Variants in LRRC4C observed in about 807,000 individuals in gnomAD.
The protein encoded by LRRC4C is leucine rich repeat containing 4C.
Under a neutral mutation model 33.6 loss-of-function variants are expected in LRRC4C, and 5 were observed. The ratio of observed to expected loss-of-function variants is 0.15; its 90% CI spans 0.08 to 0.31. The LOEUF (loss-of-function observed/expected upper bound fraction) is 0.31, where lower values mean the gene tolerates loss of function less well. Ranked by LOEUF, LRRC4C falls within the 10% of genes least tolerant of loss-of-function variation. The pLI, the probability that LRRC4C is intolerant of heterozygous loss-of-function variation, is 1.00. For missense variants in LRRC4C, 560 were observed against 796.7 expected, an observed-to-expected ratio of 0.70 and a Z score of 3.58; for synonymous variants, 329 against 302.0, an observed-to-expected ratio of 1.09 and a Z score of -0.93.
chr11:41,203,918 A>G (rs1240002358), intron 1 of LRRC4C, among the ~76,000 whole-genome samples: 1 of 152,234 alleles, frequency 6.6e-6, no homozygotes. Flanking sequence ...GGTGATGTTT[A>G]TGAAAAGTAG....
chr11:40,662,587 G>A (rs1037213567), intron 2 of LRRC4C, among the ~76,000 whole-genome samples: 8 of 152,162 alleles, frequency 5.3e-5, no homozygotes, highest in Non-Finnish European at 1.0e-4. Flanking sequence ...AAAAGAAACT[G>A]GCCAGGGAAA....
chr11:40,449,405 G>T (rs1222762269), intron 3 of LRRC4C, among the ~76,000 whole-genome samples: 1 of 151,318 alleles, frequency 6.6e-6, no homozygotes, highest in African/African-American at 2.4e-5. Context: ...GGATACCTAG[G>T]AGAAGGCATG....
chr11:40,841,774 AT>A (rs1952925986), intron 2 of LRRC4C, among the ~76,000 whole-genome samples: 1 of 152,136 alleles, frequency 6.6e-6, no homozygotes, highest in African/African-American at 2.4e-5. Context: ...GAGAAAACGC[AT>A]TTTTCTTTTT....
chr11:40,495,327 G>A (rs544214737), intron 3 of LRRC4C, among the ~76,000 whole-genome samples: 1 of 151,978 alleles, frequency 6.6e-6, no homozygotes, highest in Non-Finnish European at 1.5e-5. Context: ...AAATTTGTTT[G>A]TTTCACCATG....
intron 3 of LRRC4C, among the ~76,000 whole-genome samples, chr11:40,474,941 G>A (rs1953132876): frequency 1.3e-5 from 2 of 152,178 alleles, no homozygotes; most frequent in South Asian, 2.1e-4. Flanking sequence ...TCATTAAAAT[G>A]TCAGGAAACA....
intron 3 of LRRC4C, among the ~76,000 whole-genome samples, chr11:40,444,352 A>C (rs1001363948): frequency 3.6e-4 from 53 of 147,280 alleles, no homozygotes; most frequent in African/African-American, 1.1e-3. Flanking sequence ...TTTATTTTTT[A>C]TTTTTCTTTT....
intron 3 of LRRC4C, among the ~76,000 whole-genome samples, chr11:40,338,093 G>A (rs537864017): frequency 4.6e-5 from 7 of 152,054 alleles, no homozygotes; most frequent in East Asian, 1.9e-4. Flanking sequence ...TTCTGTGATC[G>A]ATACTTTCTA....
chr11:40,347,222 A>G (rs1051870128), intron 3 of LRRC4C, among the ~76,000 whole-genome samples: 1 of 152,202 alleles, frequency 6.6e-6, no homozygotes, highest in Non-Finnish European at 1.5e-5. Context: ...AGCACTTGCT[A>G]CTTCACCTTA....
chr11:41,376,146 A>T (rs1180154405), intron 1 of LRRC4C, among the ~76,000 whole-genome samples: 1 of 152,112 alleles, frequency 6.6e-6, no homozygotes, highest in Non-Finnish European at 1.5e-5. Flanking sequence ...AAGAAAAAAA[A>T]AATAAACTCT....
intron 1 of LRRC4C, among the ~76,000 whole-genome samples, chr11:41,454,083 A>T (rs537062312): frequency 1.3e-5 from 2 of 152,086 alleles, no homozygotes; most frequent in Non-Finnish European, 2.9e-5. Flanking sequence ...CACAACCTGA[A>T]GGACAAAACC....
chr11:41,370,461 C>A (rs766969661), intron 1 of LRRC4C, among the ~76,000 whole-genome samples: 1 of 151,998 alleles, frequency 6.6e-6, no homozygotes, highest in Non-Finnish European at 1.5e-5. Flanking sequence ...GGGGGCGGCT[C>A]CCCCCATACT....
At chr11:40,388,227 A>T (rs140897626) in intron 3 of LRRC4C, among the ~76,000 whole-genome samples, 1,662 of 152,256 alleles carry the variant, frequency 0.011, 13 homozygotes, top group Middle Eastern at 0.054. Flanking sequence ...AAGATGAATT[A>T]TCAGGTTACT....
intron 1 of LRRC4C, among the ~76,000 whole-genome samples, chr11:41,052,482 T>G (rs1858306419): frequency 6.6e-6 from 1 of 151,750 alleles, no homozygotes; most frequent in Admixed American, 6.6e-5. Flanking sequence ...TATGTTCCCG[T>G]CCATCTGCTT....
chr11:41,366,034 T>C (rs1165364952), intron 1 of LRRC4C, among the ~76,000 whole-genome samples: 1 of 152,180 alleles, frequency 6.6e-6, no homozygotes, highest in African/African-American at 2.4e-5. Context: ...ATGGCTTGCA[T>C]AAAATAAGCA....
chr11:40,151,021 T>C (rs1183028348), intron 5 of LRRC4C, among the ~76,000 whole-genome samples: 3 of 152,174 alleles, frequency 2.0e-5, no homozygotes, highest in Non-Finnish European at 4.4e-5. Flanking sequence ...CCATGCTCCA[T>C]ATGCCTGCAA....
intron 1 of LRRC4C, among the ~76,000 whole-genome samples, chr11:40,987,645 ATATATATC>A (rs1306769049): frequency 1.8e-5 from 1 of 54,068 alleles, no homozygotes; most frequent in Non-Finnish European, 3.8e-5. Flanking sequence ...ATATATATAT[ATATATATC>A]TCATATATAT....
intron 1 of LRRC4C, among the ~76,000 whole-genome samples, chr11:41,182,712 C>G (rs967165736): frequency 6.6e-6 from 1 of 152,172 alleles, no homozygotes; most frequent in Admixed American, 6.5e-5. Flanking sequence ...ATGTACAATG[C>G]TGATAGAACT....
chr11:40,402,949 T>G (rs1463331574), intron 3 of LRRC4C, among the ~76,000 whole-genome samples: 6 of 152,134 alleles, frequency 3.9e-5, no homozygotes, highest in Non-Finnish European at 8.8e-5. Flanking sequence ...ATGTTGTTCA[T>G]GCAAACTTCT....
At chr11:40,259,231 G>A in intron 4 of LRRC4C, among the ~76,000 whole-genome samples, 1 of 151,690 alleles carries the variant, frequency 6.6e-6, no homozygotes, top group Admixed American at 6.6e-5. Flanking sequence ...GTCTGTTCAT[G>A]TCCTTCGCCC....
Sources: allele counts gnomAD v4.1 joint callset (sites outside exome capture counted in the v4.1 genomes callset), GRCh38; gene constraint gnomAD v4.1.1; transcripts MANE v1.5; gene names NCBI Gene and HGNC (gene_info 2026-07-23, HGNC 2026-07-21).